The following MPIG6B variants were observed in gnomAD, a reference collection of about 807,000 sequenced individuals.
MPIG6B encodes the protein immunoglobulin receptor.
A neutral mutation model predicts 24.2 loss-of-function variants in MPIG6B; 22 were observed. The observed-to-expected ratio is 0.91, with a 90% CI of 0.65 to 1.30. MPIG6B has a LOEUF of 1.30. Ranked by LOEUF, MPIG6B falls within the 50% of genes most tolerant of loss-of-function variation. The pLI, the probability that MPIG6B is intolerant of heterozygous loss-of-function variation, is 0.00. For missense variants in MPIG6B, 301 were observed against 318.5 expected, an observed-to-expected ratio of 0.94 and a Z score of 0.42; for synonymous variants, 136 against 142.0, an observed-to-expected ratio of 0.96 and a Z score of 0.30.
intron 3 of MPIG6B, 22 bp downstream of exon 3, chr6:31,724,254 T>C (rs1187131603): frequency 6.3e-7 from 1 of 1,587,714 alleles, no homozygotes; most frequent in East Asian, 2.2e-5. Flanking sequence ...GGACCCGGCC[T>C]CGTTAAATGG....
chr6:31,723,334 G>A (rs1383063445), upstream of MPIG6B: 3 of 1,272,508 alleles, frequency 2.4e-6, no homozygotes, highest in South Asian at 2.6e-5. This position sits in a 1 kb window ranked among gnomAD's most constrained non-coding sequence, Gnocchi z 4.3. Context: ...CCCCCCAACC[G>A]GCCCCACGCC....
upstream of MPIG6B, chr6:31,721,793 C>T: frequency 9.8e-7 from 1 of 1,024,884 alleles, no homozygotes; most frequent in Non-Finnish European, 1.5e-6. Flanking sequence ...AAGGCTCCTC[C>T]CTTCCCTGCC....
upstream of MPIG6B, among the ~76,000 whole-genome samples, chr6:31,720,724 G>A (rs1262801205): frequency 6.6e-6 from 1 of 152,156 alleles, no homozygotes; most frequent in African/African-American, 2.4e-5. This position sits in a 1 kb window ranked among gnomAD's most constrained non-coding sequence, Gnocchi z 4.9. Context: ...CAAGAGTGTG[G>A]CAAGAGGAAC....
intron 2 of MPIG6B, 27 bp downstream of exon 2, chr6:31,724,013 G>A: frequency 6.4e-7 from 1 of 1,560,940 alleles, no homozygotes; most frequent in South Asian, 1.2e-5. Context: ...GCGCACAAGG[G>A]TACTTAACTC....
At chr6:31,724,278 G>T in intron 3 of MPIG6B, 46 bp downstream of exon 3, 1 of 1,465,406 alleles carries the variant, frequency 6.8e-7, no homozygotes. Flanking sequence ...GTGACCAGAG[G>T]TGGAAGGGGC....
upstream of MPIG6B, chr6:31,721,617 C>T: frequency 6.2e-7 from 1 of 1,613,344 alleles, no homozygotes; most frequent in Non-Finnish European, 8.5e-7. Flanking sequence ...TTGGGGCCCC[C>T]AGGTGCTCAC....
rs1807366165 is a variant in MPIG6B, at chr6:31,726,371, T to C, written c.*1297T>C. ...TTAGAAAATGCCAGCCTTAGAGAAT[T>C]CTCCCTAGCCCCAAAATGTCTTTGC... On this transcript the variant is annotated 3_prime_UTR_variant, in exon 6 of 6. Transcript: ENST00000649779. This position sits in a 1 kb window ranked among gnomAD's most constrained non-coding sequence, Gnocchi z 5.1. 1 of 152,262 alleles carries C rather than the reference T, an allele frequency of 6.6e-6. No individual in the cohort carries two copies. The highest frequency in any genetic ancestry group is 1.5e-5 in the Non-Finnish European group (1 of 68,054). The allele number at this position is 152,262 out of a possible 1,614,324, so 9.4% of individuals were successfully genotyped here. A position where few individuals can be genotyped will look rare whatever the true frequency, so the allele number is the denominator to read the frequency against.
At chr6:31,721,281 G>C (rs564946916), upstream of MPIG6B, among the ~76,000 whole-genome samples, 14 of 152,296 alleles carry the variant, frequency 9.2e-5, no homozygotes, top group African/African-American at 3.4e-4. Context: ...AGGTAAGCTA[G>C]ACTCTGGAGA....
At chr6:31,724,117 C>T (rs1221117865) in intron 2 of MPIG6B, 25 bp from the exon 3 acceptor site, 1 of 1,601,514 alleles carries the variant, frequency 6.2e-7, no homozygotes, top group Admixed American at 1.7e-5. Context: ...CCTCAGCATC[C>T]CTCCCCGCCA....
chr6:31,723,600 T>C lies in MPIG6B; in HGVS notation c.62-39T>C. On this transcript the variant is annotated intron_variant, in intron 1 of 5. Transcript: ENST00000649779. The surrounding 1 kb of genome is among the most constrained non-coding windows in gnomAD (Gnocchi z 4.3). Reference sequence around the variant, plus strand: ...GACGGGATGGAGGGTCGTCTTGCCCTGTGGACGTGCCCTAACCACAGCCTC... The same window carrying C: ...GACGGGATGGAGGGTCGTCTTGCCCCGTGGACGTGCCCTAACCACAGCCTC... 1.3e-6 allele frequency: 2 copies of C among 1,502,544 alleles called. No homozygotes were observed. Among genetic ancestry groups the C allele is most frequent in the Non-Finnish European group, 1.8e-6 (2 of 1,112,524 alleles). The allele number at this position is 1,502,544 out of a possible 1,614,324, so 93.1% of individuals were successfully genotyped here. A position where few individuals can be genotyped will look rare whatever the true frequency, so the allele number is the denominator to read the frequency against.
rs1807293927 is a variant in MPIG6B at position 31,725,513 on chromosome 6, G to A, written c.*439G>A. On this transcript the variant is annotated 3_prime_UTR_variant, in exon 6 of 6. Coordinates refer to ENST00000649779, the MANE Select transcript of MPIG6B (RefSeq NM_138272.3). This position sits in a 1 kb window ranked among gnomAD's most constrained non-coding sequence, Gnocchi z 5.2. ...CAGCTAATTTTTTGTATTTTTAGTA[G>A]AGACGGGGTTTCACTGTGTTAGCCA... 1 of 164,932 alleles carries A rather than the reference G, an allele frequency of 6.1e-6. No individual in the cohort carries two copies. Among genetic ancestry groups the A allele is most frequent in the Non-Finnish European group, 1.3e-5 (1 of 76,448 alleles). 10.2% of individuals were successfully genotyped at this position (164,932 alleles called of 1,614,324 possible). A position where few individuals can be genotyped will look rare whatever the true frequency, so the allele number is the denominator to read the frequency against.
In MPIG6B at chr6:31,723,931, AG is replaced by A; in HGVS notation, c.355del (p.Val119CysfsTer26). On this transcript the variant is annotated frameshift_variant, in exon 2 of 6. Transcript: ENST00000649779. LOFTEE classifies it high-confidence loss of function. The surrounding 1 kb of genome is among the most constrained non-coding windows in gnomAD (Gnocchi z 4.3). ...GCCGCCACGAGGACGAGAGCCGTACAGTGCTTCACGTGCTGGGGGACAGGAC... is the reference window on the plus strand; with the variant it reads ...GCCGCCACGAGGACGAGAGCCGTACATGCTTCACGTGCTGGGGGACAGGAC... Reference protein sequence around the residue: ...KGRHEDESRTVLHVLGDRTYC... With the variant: ...KGRHEDESRTXLHVLGDRTYC... The A allele has an allele frequency of 6.3e-7, 1 of 1,579,594 alleles. No individual in the cohort carries two copies. The highest frequency in any genetic ancestry group is 8.6e-7 in the Non-Finnish European group (1 of 1,161,838).
Position 31,723,770 on chromosome 6 carries a change from T to G in MPIG6B, c.193T>G (p.Trp65Gly). The change falls in exon 2 of 6, where the codon TGG becomes GGG. Residue 65 changes from tryptophan to glycine, a missense_variant. Coordinates refer to ENST00000649779, the MANE Select transcript of MPIG6B (RefSeq NM_138272.3). The surrounding 1 kb of genome is among the most constrained non-coding windows in gnomAD (Gnocchi z 4.3). The part of the protein sequence containing the change: ...GLSKGRRPIL[W>G]ASSSGTPTVP... ...GTCCAAAGGACGCCGACCGATCCTG[T>G]GGGCCTCTTCGAGCGGGACCCCCAC... 6.2e-7 allele frequency: 1 copy of G among 1,613,936 alleles called. No homozygotes were observed. The highest frequency in any genetic ancestry group is 1.1e-5 in the South Asian group (1 of 91,076).
rs1807194980 is a variant in MPIG6B, at chr6:31,724,813, C to T, written c.590C>T (p.Pro197Leu). ...CAGAGGCCAGTAAAGGAGGAAGAGC[C>T]CAAGATTCCAGGGGACCTGGACCAG... ...EPQRPVKEEE[P>L]KIPGDLDQEP... is the part of the protein sequence containing the mutation. Residue 197 changes from proline (P) to leucine (L), a missense_variant, in exon 5 of 6, where the codon CCC becomes CTC. Pro to Leu is a moderately conservative substitution (Grantham distance 98). Coordinates refer to ENST00000649779, the MANE Select transcript of MPIG6B (RefSeq NM_138272.3). 1 of 1,613,848 alleles carries T rather than the reference C, an allele frequency of 6.2e-7. No homozygotes were observed. The highest frequency in any genetic ancestry group is 1.7e-5 in the Admixed American group (1 of 59,972).
rs775790329 is a variant in MPIG6B at position 31,723,883 on chromosome 6, C to T, written c.306C>T (p.Asp102=). The T allele has an allele frequency of 6.2e-7, 1 of 1,608,976 alleles. No homozygotes were observed. The highest frequency in any genetic ancestry group is 1.1e-5 in the South Asian group (1 of 90,624). The change falls in exon 2 of 6, where the codon GAC becomes GAT. Residue 102 remains aspartate (D), a synonymous_variant. Coordinates refer to ENST00000649779, the MANE Select transcript of MPIG6B (RefSeq NM_138272.3). The surrounding 1 kb of genome is among the most constrained non-coding windows in gnomAD (Gnocchi z 4.3). ...RRLELLLSAG[D]SGTFFCKGRH... ...TGGAGCTCCTCTTGAGCGCGGGGGA[C>T]TCGGGCACTTTTTTCTGCAAGGGCC...
At position 31,723,914 on chromosome 6, in the gene MPIG6B, G is replaced by A; in HGVS notation, c.337G>A (p.Glu113Lys). The change falls in exon 2 of 6, where the codon GAG becomes AAG. Residue 113 changes from glutamate (E) to lysine (K), a missense_variant. Physicochemically the swap from Glu to Lys is moderately conservative, Grantham distance 56 (BLOSUM62 1). Transcript: ENST00000649779. The surrounding 1 kb of genome is among the most constrained non-coding windows in gnomAD (Gnocchi z 4.3). ...CACTTTTTTCTGCAAGGGCCGCCAC[G>A]AGGACGAGAGCCGTACAGTGCTTCA... The part of the protein sequence containing the change: ...SGTFFCKGRH[E>K]DESRTVLHVL... 3.1e-6 allele frequency: 5 copies of A among 1,596,636 alleles called. No homozygotes were observed. Among genetic ancestry groups the A allele is most frequent in the South Asian group, 1.1e-5 (1 of 87,866 alleles).
intron 3 of MPIG6B, 165 bp from the exon 4 acceptor site, chr6:31,724,422 G>C (rs1807151517): frequency 1.3e-6 from 1 of 771,116 alleles, no homozygotes; most frequent in Non-Finnish European, 2.2e-6. Context: ...AGATGAGCTG[G>C]AAGTGCAGCA....
chr6:31,723,877 G>C lies in MPIG6B; in HGVS notation c.300G>C (p.Ala100=). Residue 100 remains alanine (A), a synonymous_variant, in exon 2 of 6, where the codon GCG becomes GCC. Coordinates refer to ENST00000649779, the MANE Select transcript of MPIG6B (RefSeq NM_138272.3). This position sits in a 1 kb window ranked among gnomAD's most constrained non-coding sequence, Gnocchi z 4.3. ...GIRRLELLLS[A]GDSGTFFCKG... is the part of the protein sequence containing the mutation. Reference sequence around the variant, plus strand: ...GGCGGCTGGAGCTCCTCTTGAGCGCGGGGGACTCGGGCACTTTTTTCTGCA... The same window carrying C: ...GGCGGCTGGAGCTCCTCTTGAGCGCCGGGGACTCGGGCACTTTTTTCTGCA... 6.2e-7 allele frequency: 1 copy of C among 1,609,866 alleles called. No individual in the cohort carries two copies.
chr6:31,724,383 C>T, intron 3 of MPIG6B, 151 bp downstream of exon 3: 3 of 783,184 alleles, frequency 3.8e-6, no homozygotes, highest in Non-Finnish European at 2.1e-6. Context: ...AGCGAGGCCG[C>T]TGACTGGTGA....
Sources: allele counts gnomAD v4.1 joint callset (sites outside exome capture counted in the v4.1 genomes callset), GRCh38; gene constraint gnomAD v4.1.1; non-coding constraint Gnocchi (gnomAD v3.1); transcripts MANE v1.5; gene names NCBI Gene and HGNC (gene_info 2026-07-23, HGNC 2026-07-21).